RPTOR: variants seen among roughly 807,000 people sequenced by gnomAD.
RPTOR encodes the protein regulatory-associated protein of mTOR.
A neutral mutation model predicts 169.9 loss-of-function variants in RPTOR; 21 were observed. The ratio of observed to expected loss-of-function variants is 0.12; its 90% CI spans 0.09 to 0.18. The LOEUF is 0.18. Among genes scored for constraint, RPTOR ranks in the 10% least tolerant of loss-of-function variants. The pLI, the probability that RPTOR is intolerant of heterozygous loss-of-function variation, is 1.00. For synonymous variants in RPTOR, 732 were observed against 753.2 expected (o/e 0.97, Z 0.46); for missense variants, 1,133 against 1,855.9 (o/e 0.61, Z 7.16).
intron 9 of RPTOR, among the ~76,000 whole-genome samples, chr17:80,824,676 G>C (rs141352050): frequency 6.6e-6 from 1 of 152,202 alleles, no homozygotes; most frequent in African/African-American, 2.4e-5. Context: ...ACTGGGAGCC[G>C]GTTGAGCACT....
Position 80,746,349 on chromosome 17 carries a change from C to T in RPTOR, c.655-7661C>T, listed in dbSNP as rs529249066. 1.3e-5 allele frequency among the ~76,000 whole-genome samples: 2 copies of T among 151,866 alleles called. No homozygotes were observed. The highest frequency in any genetic ancestry group is 2.4e-5 in the African/African-American group (1 of 41,376). On this transcript the variant is annotated intron_variant, in intron 5 of 33. Transcript: ENST00000306801. The surrounding 1 kb of genome is among the most constrained non-coding windows in gnomAD (Gnocchi z 4.5). ...GGTGCTTTCTGCGGGTGATCCCCACCGCCCCCACAGCGGTGCTTTCTGCAG... is the reference window on the plus strand; with the variant it reads ...GGTGCTTTCTGCGGGTGATCCCCACTGCCCCCACAGCGGTGCTTTCTGCAG...
chr17:80,655,093 C>CTAT (rs1224680003), intron 3 of RPTOR, among the ~76,000 whole-genome samples: 1 of 152,194 alleles, frequency 6.6e-6, no homozygotes, highest in Admixed American at 6.5e-5. Context: ...GTTTCTTTAT[C>CTAT]TATTAATTTA....
intron 1 of RPTOR, among the ~76,000 whole-genome samples, chr17:80,582,916 CT>C (rs71163971): frequency 0.18 from 25,453 of 139,030 alleles, 2,135 homozygotes; most frequent in East Asian, 0.26. Context: ...CTTTTTTTTT[CT>C]TTTTTTTTTT....
intron 3 of RPTOR, among the ~76,000 whole-genome samples, chr17:80,679,785 G>A (rs2065884905): frequency 1.3e-5 from 2 of 152,244 alleles, no homozygotes; most frequent in African/African-American, 4.8e-5. Context: ...TCTGCCTCAA[G>A]TATGCCCAGA....
rs2019371756 is a variant in RPTOR, at chr17:80,803,622, T to C, written c.890+12113T>C. On this transcript the variant is annotated intron_variant, in intron 7 of 33. Coordinates refer to ENST00000306801, the MANE Select transcript of RPTOR (RefSeq NM_020761.3). This position sits in a 1 kb window ranked among gnomAD's most constrained non-coding sequence, Gnocchi z 6.2. ...GAGCGCACTTTTCAGACCCCGCGTGTGTTTCTCAGCACGTTTGTTCATTCA... is the reference window on the plus strand; with the variant it reads ...GAGCGCACTTTTCAGACCCCGCGTGCGTTTCTCAGCACGTTTGTTCATTCA... The C allele has an allele frequency of 6.6e-6, 1 of 152,262 alleles. No individual in the cohort carries two copies. The highest frequency in any genetic ancestry group is 1.5e-5 in the Non-Finnish European group (1 of 68,072). The allele number at this position is 152,262 out of a possible 1,614,324, so 9.4% of individuals were successfully genotyped here.
At chr17:80,563,717 C>T (rs1158075907) in intron 1 of RPTOR, among the ~76,000 whole-genome samples, 1 of 152,078 alleles carries the variant, frequency 6.6e-6, no homozygotes, top group Non-Finnish European at 1.5e-5. Context: ...ACTATGTTGC[C>T]TAAGGATGCC....
chr17:80,805,476 G>T (rs1360805014), intron 7 of RPTOR: 2 of 152,272 alleles, frequency 1.3e-5, no homozygotes, highest in African/African-American at 4.8e-5. Flanking sequence ...CGATGTGGCA[G>T]GCCTTTCAGC....
At chr17:80,891,443 G>A (rs1047078587) in intron 17 of RPTOR, among the ~76,000 whole-genome samples, 1 of 152,150 alleles carries the variant, frequency 6.6e-6, no homozygotes, top group African/African-American at 2.4e-5. Context: ...GTGTCCTTAC[G>A]AGACCCCCGA....
At chr17:80,921,457 G>T (rs1023627051) in intron 21 of RPTOR, among the ~76,000 whole-genome samples, 3 of 152,190 alleles carry the variant, frequency 2.0e-5, no homozygotes, top group Non-Finnish European at 4.4e-5. Flanking sequence ...AAACCACCCC[G>T]AAGCACCTGG....
chr17:80,810,304 C>T (rs745783125), intron 7 of RPTOR, among the ~76,000 whole-genome samples: 10 of 151,976 alleles, frequency 6.6e-5, no homozygotes, highest in East Asian at 1.9e-4. Context: ...TTTAAGTCTG[C>T]GATCCGTTTC....
intron 1 of RPTOR, 54 bp from the exon 2 acceptor site, chr17:80,625,637 A>G: frequency 1.5e-6 from 2 of 1,360,972 alleles, no homozygotes; most frequent in East Asian, 2.3e-5. Flanking sequence ...GGAAAAACAC[A>G]TAAACGAGTT....
chr17:80,778,875 G>A lies in RPTOR; in HGVS notation c.831-12575G>A, dbSNP rs182833193. On this transcript the variant is annotated intron_variant, in intron 6 of 33. Transcript: ENST00000306801. ...AGACCTCAGAGAAGGAACAACTGTC[G>A]TGGCACCTCATGTGCGGTGTCTGGC... Among the ~76,000 whole-genome samples the A allele has an allele frequency of 2.5e-3, 382 of 152,336 alleles. 5 individuals are homozygous for A. The highest frequency in any genetic ancestry group is 0.02 in the South Asian group (99 of 4,830).
At chr17:80,667,885 A>C (rs755492157) in intron 3 of RPTOR, among the ~76,000 whole-genome samples, 3 of 152,212 alleles carry the variant, frequency 2.0e-5, no homozygotes, top group Non-Finnish European at 4.4e-5. Context: ...CATTTAGAAA[A>C]AAGTTAACCT....
chr17:80,577,326 G>A (rs561576342), intron 1 of RPTOR, among the ~76,000 whole-genome samples: 6 of 152,220 alleles, frequency 3.9e-5, no homozygotes, highest in Non-Finnish European at 5.9e-5. Context: ...CACCACACCC[G>A]GCCTCAGTTG....
intron 3 of RPTOR, among the ~76,000 whole-genome samples, chr17:80,652,315 T>C (rs9911795): frequency 0.75 from 113,993 of 152,144 alleles, 43,672 homozygotes; most frequent in African/African-American, 0.9. Flanking sequence ...CAGTCATTTC[T>C]CCTCCCCCAG....
At chr17:80,643,137 G>A (rs1471627460) in intron 2 of RPTOR, among the ~76,000 whole-genome samples, 1 of 152,154 alleles carries the variant, frequency 6.6e-6, no homozygotes, top group Non-Finnish European at 1.5e-5. Context: ...ATTTTAGAGT[G>A]CAAAGGGGTC....
rs769176155 is a variant in RPTOR at position 80,633,278 on chromosome 17, A to G, written c.265+7485A>G. 2.6e-5 allele frequency among the ~76,000 whole-genome samples: 4 copies of G among 152,190 alleles called. No individual in the cohort carries two copies. The highest frequency in any genetic ancestry group is 5.9e-5 in the Non-Finnish European group (4 of 68,036). On this transcript the variant is annotated intron_variant, in intron 2 of 33. Transcript: ENST00000306801. The surrounding 1 kb of genome is among the most constrained non-coding windows in gnomAD (Gnocchi z 4.1). ...GATGACAACGCAGTCACCAAAATCA[A>G]GGAGCATTCGCGTGGACGTGTGACT... is the stretch of plus-strand genomic sequence containing the variant.
rs573402317 is a variant in RPTOR, at chr17:80,553,333, G to C, written c.162+7542G>C. 6.9e-4 allele frequency among the ~76,000 whole-genome samples: 105 copies of C among 152,296 alleles called. No individual in the cohort carries two copies. In the Middle Eastern group the frequency reaches 0.017, roughly 25 times the overall value. ...GTCCCAAAGGAATCACCGACAGGCC[G>C]CCTCTGGATGTTGAGGCCTGTGTCC... On this transcript the variant is annotated intron_variant, in intron 1 of 33. Coordinates refer to ENST00000306801, the MANE Select transcript of RPTOR (RefSeq NM_020761.3).
At chr17:80,856,575 T>G (rs573025514) in intron 12 of RPTOR, among the ~76,000 whole-genome samples, 196 of 152,242 alleles carry the variant, frequency 1.3e-3, no homozygotes, top group African/African-American at 4.2e-3. Context: ...ACTGGGCCAT[T>G]TTCACTCCAG....
Sources: allele counts gnomAD v4.1 joint callset (sites outside exome capture counted in the v4.1 genomes callset), GRCh38; gene constraint gnomAD v4.1.1; non-coding constraint Gnocchi (gnomAD v3.1); transcripts MANE v1.5; gene names NCBI Gene and HGNC (gene_info 2026-07-23, HGNC 2026-07-21).